Variants in STPG2 observed in about 807,000 individuals in gnomAD.
STPG2 encodes the protein sperm tail PG-rich repeat containing 2, also known as sperm-tail PG-rich repeat-containing protein 2.
In STPG2, 56 loss-of-function variants were observed where a neutral mutation model predicts 54.2. The ratio of observed to expected loss-of-function variants is 1.03; its 90% CI spans 0.83 to 1.29. The LOEUF is 1.29. Among genes scored for constraint, STPG2 ranks in the 50% most tolerant of loss-of-function variants. The pLI is 0.00. For synonymous variants in STPG2, 200 were observed against 181.8 expected (o/e 1.10, Z -0.81); for missense variants, 596 against 544.9 (o/e 1.09, Z -0.93).
chr4:97,902,083 T>C (rs1351871367), intron 8 of STPG2, among the ~76,000 whole-genome samples: 1 of 152,014 alleles, frequency 6.6e-6, no homozygotes, highest in African/African-American at 2.4e-5. Flanking sequence ...TAAATAGTCT[T>C]GAGAAACCTG....
chr4:97,937,202 C>A (rs899102117), intron 8 of STPG2, among the ~76,000 whole-genome samples: 1 of 151,860 alleles, frequency 6.6e-6, no homozygotes, highest in African/African-American at 2.4e-5. Context: ...TTATAAAGTT[C>A]TTGTGGTGTG....
intron 3 of STPG2, among the ~76,000 whole-genome samples, chr4:98,120,633 T>C (rs1443956874): frequency 2.6e-5 from 4 of 152,214 alleles, no homozygotes; most frequent in Admixed American, 2.6e-4. Flanking sequence ...TATCTCATTG[T>C]GGTTTTGGTT....
intron 8 of STPG2, among the ~76,000 whole-genome samples, chr4:97,880,835 C>T (rs980878006): frequency 1.3e-5 from 2 of 152,046 alleles, no homozygotes; most frequent in Non-Finnish European, 2.9e-5. Context: ...CTGAGCTATA[C>T]ATCCACCAAG....
chr4:97,518,640 T>G (rs569799757), intron 4 of STPG2, among the ~76,000 whole-genome samples: 1 of 152,220 alleles, frequency 6.6e-6, no homozygotes, highest in East Asian at 1.9e-4. Context: ...GTAAATACGA[T>G]CCATTCAGGG....
intron 10 of STPG2, among the ~76,000 whole-genome samples, chr4:97,640,890 T>C (rs890724985): frequency 3.3e-5 from 5 of 151,162 alleles, no homozygotes; most frequent in Non-Finnish European, 7.4e-5. Context: ...GTCAAGAAAA[T>C]AGGTTAAAAA....
At chr4:97,809,702 A>T (rs1727678416) in intron 9 of STPG2, among the ~76,000 whole-genome samples, 1 of 152,178 alleles carries the variant, frequency 6.6e-6, no homozygotes, top group Non-Finnish European at 1.5e-5. Flanking sequence ...TCGGCCAACA[A>T]TCTAGTTGAA....
intron 7 of STPG2, among the ~76,000 whole-genome samples, chr4:97,968,697 C>A (rs1209975255): frequency 6.6e-6 from 1 of 152,202 alleles, no homozygotes; most frequent in Non-Finnish European, 1.5e-5. Context: ...ACATGATTAT[C>A]TCATCAGATG....
chr4:97,940,451 G>A (rs1308142888), intron 8 of STPG2, among the ~76,000 whole-genome samples: 1 of 151,968 alleles, frequency 6.6e-6, no homozygotes, highest in Non-Finnish European at 1.5e-5. Flanking sequence ...TCACAGACTT[G>A]GCCTCTTAAA....
chr4:97,698,765 G>A (rs1723669473), intron 10 of STPG2, among the ~76,000 whole-genome samples: 1 of 152,104 alleles, frequency 6.6e-6, no homozygotes, highest in African/African-American at 2.4e-5. Context: ...CACCTAGTCG[G>A]CGTTGTAATT....
At chr4:97,549,776 T>C (rs1238014720) in intron 4 of STPG2, among the ~76,000 whole-genome samples, 3 of 152,162 alleles carry the variant, frequency 2.0e-5, no homozygotes, top group Admixed American at 6.5e-5. Flanking sequence ...CCACCAGAAA[T>C]TGGAAAAAGA....
At chr4:97,565,782 G>A (rs535261599) in intron 10 of STPG2, among the ~76,000 whole-genome samples, 1 of 152,120 alleles carries the variant, frequency 6.6e-6, no homozygotes, top group Non-Finnish European at 1.5e-5. Context: ...CTGTCTGATC[G>A]TTCCTCTGGA....
intron 9 of STPG2, among the ~76,000 whole-genome samples, chr4:97,780,862 A>G (rs112605157): frequency 2.0e-5 from 3 of 152,110 alleles, no homozygotes; most frequent in African/African-American, 7.2e-5. Flanking sequence ...AGGCAGAAAT[A>G]AAGATGTTCT....
intron 5 of STPG2, among the ~76,000 whole-genome samples, chr4:98,083,583 A>C (rs1738415624): frequency 1.3e-5 from 2 of 152,220 alleles, no homozygotes; most frequent in African/African-American, 4.8e-5. Flanking sequence ...CGTTCTTCAA[A>C]TATACAATTC....
intron 10 of STPG2, among the ~76,000 whole-genome samples, chr4:97,651,720 A>G (rs1722073029): frequency 6.6e-6 from 1 of 152,034 alleles, no homozygotes; most frequent in Admixed American, 6.6e-5. Context: ...TTGACAGGAT[A>G]GTAAAAGATG....
intron 5 of STPG2, among the ~76,000 whole-genome samples, chr4:98,044,843 A>T (rs1183594937): frequency 6.6e-6 from 1 of 152,094 alleles, no homozygotes; most frequent in Non-Finnish European, 1.5e-5. Context: ...CTAATTTTTC[A>T]CTGTTGACAA....
At chr4:97,663,522 T>C (rs1722432688) in intron 10 of STPG2, among the ~76,000 whole-genome samples, 1 of 152,318 alleles carries the variant, frequency 6.6e-6, no homozygotes, top group Middle Eastern at 3.4e-3. Context: ...TTATAAGGGC[T>C]TCTGAAATTT....
rs369918959 is a variant in STPG2, at chr4:97,527,001, C to CT, written c.462+185697dup. Among the ~76,000 whole-genome samples the CT allele has an allele frequency of 8.3e-3, 1,180 of 141,414 alleles. 6 individuals are homozygous for CT. Among genetic ancestry groups the CT allele is most frequent in the Middle Eastern group, 0.043 (12 of 276 alleles). 92.8% of individuals were successfully genotyped at this position (141,414 alleles called of 152,430 possible). On this transcript the variant is annotated intron_variant, in intron 4 of 4. Coordinates refer to the STPG2 transcript ENST00000522676. ...TCAGAAATAATAGATGCTGCCAAAG[C>CT]TTTTTTTTTTTTTAATACTTTAAGT... is the stretch of plus-strand genomic sequence containing the variant.
chr4:97,723,443 C>G (rs894195624), intron 9 of STPG2, among the ~76,000 whole-genome samples: 4 of 152,090 alleles, frequency 2.6e-5, no homozygotes, highest in Non-Finnish European at 1.5e-5. Context: ...ATTCATGCAG[C>G]AAACATGCAA....
intron 10 of STPG2, among the ~76,000 whole-genome samples, chr4:97,661,113 GA>G (rs1435316490): frequency 6.6e-6 from 1 of 152,034 alleles, no homozygotes; most frequent in African/African-American, 2.4e-5. Flanking sequence ...AGAAATCCCA[GA>G]TAAAATGCAC....
Sources: gnomAD v4.1 joint callset for allele counts (sites outside exome capture counted in the v4.1 genomes callset) on GRCh38, gnomAD v4.1.1 for gene constraint, MANE v1.5 for transcripts, NCBI Gene and HGNC (gene_info 2026-07-23, HGNC 2026-07-21) for gene names.